Variants in RERE observed in about 807,000 individuals in gnomAD.
The protein encoded by RERE is arginine-glutamic acid dipeptide repeats.
RERE carries 40 observed loss-of-function variants against 146.1 expected under a neutral mutation model. The ratio of observed to expected loss-of-function variants is 0.27; its 90% CI spans 0.21 to 0.36. The LOEUF (loss-of-function observed/expected upper bound fraction) is 0.36, where lower values mean the gene tolerates loss of function less well. Ranked by LOEUF, RERE falls within the 10% of genes least tolerant of loss-of-function variation. The probability of loss-of-function intolerance (pLI) is 1.00; values close to 1 mark genes in which losing one functional copy is unlikely to be tolerated. For synonymous variants in RERE, 1,003 were observed against 866.0 expected (o/e 1.16, Z -2.78); for missense variants, 1,933 against 2,138.7 (o/e 0.90, Z 1.90).
intron 11 of RERE, among the ~76,000 whole-genome samples, chr1:8,426,981 C>T (rs566242934): frequency 3.9e-5 from 6 of 152,320 alleles, no homozygotes; most frequent in African/African-American, 1.4e-4. Flanking sequence ...CTCCATATAA[C>T]ACTAGGCAGT....
intron 1 of RERE, among the ~76,000 whole-genome samples, chr1:8,666,632 T>C (rs1405652842): frequency 6.6e-6 from 1 of 152,258 alleles, no homozygotes; most frequent in African/African-American, 2.4e-5. Context: ...GAATAAGAAG[T>C]AAGGCATTCT....
intron 1 of RERE, among the ~76,000 whole-genome samples, chr1:8,816,767 T>G (rs1641920039): frequency 1.3e-5 from 2 of 152,072 alleles, no homozygotes; most frequent in African/African-American, 4.8e-5. Flanking sequence ...AAATGATACT[T>G]TAATAATAAA....
chr1:8,410,792 C>A (rs1643593926), intron 12 of RERE, among the ~76,000 whole-genome samples: 2 of 152,204 alleles, frequency 1.3e-5, no homozygotes, highest in African/African-American at 4.8e-5. Context: ...TATTTAATAT[C>A]CACACTACAT....
At chr1:8,732,914 C>T (rs1416473407) in intron 1 of RERE, among the ~76,000 whole-genome samples, 18 of 144,250 alleles carry the variant, frequency 1.2e-4, no homozygotes, top group African/African-American at 4.3e-4. Flanking sequence ...CTCCGCCTCC[C>T]GGGTTCACGC....
At chr1:8,671,547 G>A (rs1638718264) in intron 1 of RERE, among the ~76,000 whole-genome samples, 1 of 152,166 alleles carries the variant, frequency 6.6e-6, no homozygotes, top group South Asian at 2.1e-4. Flanking sequence ...CTTTTGCCAG[G>A]TCCTTCTGGG....
chr1:8,708,881 T>C (rs559601948), intron 1 of RERE, among the ~76,000 whole-genome samples: 5 of 149,848 alleles, frequency 3.3e-5, no homozygotes, highest in African/African-American at 1.2e-4. Context: ...CACCAAAATG[T>C]CACTAGACAA....
chr1:8,382,378 C>T (rs1267884747), intron 12 of RERE, among the ~76,000 whole-genome samples: 2 of 152,278 alleles, frequency 1.3e-5, no homozygotes, highest in Admixed American at 1.3e-4. Flanking sequence ...GTGGCACTCT[C>T]AGCTGCCTCC....
intron 1 of RERE, among the ~76,000 whole-genome samples, chr1:8,790,117 C>T (rs1445273063): frequency 6.6e-6 from 1 of 152,148 alleles, no homozygotes; most frequent in African/African-American, 2.4e-5. Flanking sequence ...GCTGACAGAT[C>T]CTGGATGGAA....
chr1:8,743,314 T>G (rs1640350067), intron 1 of RERE, among the ~76,000 whole-genome samples: 1 of 152,106 alleles, frequency 6.6e-6, no homozygotes, highest in Admixed American at 6.6e-5. Flanking sequence ...AGTCTCACTC[T>G]GTCATCCAGG....
At chr1:8,700,246 A>G (rs936373664) in intron 1 of RERE, among the ~76,000 whole-genome samples, 1 of 152,204 alleles carries the variant, frequency 6.6e-6, no homozygotes, top group Non-Finnish European at 1.5e-5. Flanking sequence ...CGGAGGCTGC[A>G]GTGAGCCGAG....
intron 1 of RERE, among the ~76,000 whole-genome samples, chr1:8,797,114 C>T (rs1056425360): frequency 6.6e-6 from 1 of 151,996 alleles, no homozygotes; most frequent in Non-Finnish European, 1.5e-5. Context: ...GTGGCTCATG[C>T]TGTCATCCCA....
At chr1:8,685,302 A>G (rs759867547) in intron 1 of RERE, among the ~76,000 whole-genome samples, 15 of 152,264 alleles carry the variant, frequency 9.9e-5, no homozygotes, top group Non-Finnish European at 1.9e-4. Flanking sequence ...CGGTAAGTAA[A>G]ATATTTTAAA....
chr1:8,742,630 A>T (rs1640331502), intron 1 of RERE, among the ~76,000 whole-genome samples: 1 of 152,076 alleles, frequency 6.6e-6, no homozygotes, highest in Non-Finnish European at 1.5e-5. Context: ...AGACCAGCCT[A>T]GGCAACATGG....
At chr1:8,549,593 T>C (rs1239666242) in intron 6 of RERE, among the ~76,000 whole-genome samples, 1 of 152,174 alleles carries the variant, frequency 6.6e-6, no homozygotes, top group African/African-American at 2.4e-5. Context: ...GATAGGTGCT[T>C]AAAATCACTG....
chr1:8,440,731 C>CAAA, intron 11 of RERE, among the ~76,000 whole-genome samples: 1 of 129,214 alleles, frequency 7.7e-6, no homozygotes, highest in African/African-American at 2.9e-5. Flanking sequence ...ACTAAAAATA[C>CAAA]AAAAAAAAAA....
At chr1:8,544,149 T>A (rs553587174) in intron 6 of RERE, among the ~76,000 whole-genome samples, 10 of 152,328 alleles carry the variant, frequency 6.6e-5, no homozygotes, top group Non-Finnish European at 1.3e-4. Context: ...AATAGTTTGA[T>A]ATATGCTATC....
intron 1 of RERE, among the ~76,000 whole-genome samples, chr1:8,745,156 A>G (rs542329167): frequency 1.1e-4 from 17 of 152,178 alleles, no homozygotes; most frequent in African/African-American, 3.9e-4. Context: ...AGGTGATTGG[A>G]TCACAGGGCA....
chr1:8,449,745 C>G (rs1466007260), intron 11 of RERE, among the ~76,000 whole-genome samples: 3 of 152,164 alleles, frequency 2.0e-5, no homozygotes, highest in Non-Finnish European at 4.4e-5. Flanking sequence ...TAACAATGAG[C>G]AGTTTATAGG....
At chr1:8,631,671 A>G (rs980615591) in intron 2 of RERE, among the ~76,000 whole-genome samples, 2 of 152,184 alleles carry the variant, frequency 1.3e-5, no homozygotes, top group Non-Finnish European at 2.9e-5. Context: ...AACGTTCCTT[A>G]AATAGCACCC....
Sources: gnomAD v4.1 joint callset for allele counts (sites outside exome capture counted in the v4.1 genomes callset) on GRCh38, gnomAD v4.1.1 for gene constraint, MANE v1.5 for transcripts, NCBI Gene and HGNC (gene_info 2026-07-23, HGNC 2026-07-21) for gene names.